UNC13C: variants seen among roughly 807,000 people sequenced by gnomAD.
UNC13C encodes protein unc-13 homolog C.
A neutral mutation model predicts 245.4 loss-of-function variants in UNC13C; 174 were observed. The observed-to-expected ratio is 0.71, with a 90% CI of 0.63 to 0.80. The LOEUF (loss-of-function observed/expected upper bound fraction) is 0.80. Among genes scored for constraint, UNC13C ranks in the 30% least tolerant of loss-of-function variants. The probability of loss-of-function intolerance (pLI) is 0.00; values close to 1 mark genes in which losing one functional copy is unlikely to be tolerated. For synonymous variants in UNC13C, 992 were observed against 895.1 expected (o/e 1.11, Z -1.93); for missense variants, 2,829 against 2,602.9 (o/e 1.09, Z -1.89).
chr15:54,458,037 C>A (rs1268646349), intron 19 of UNC13C, among the ~76,000 whole-genome samples: 2 of 151,560 alleles, frequency 1.3e-5, no homozygotes, highest in African/African-American at 4.8e-5. Flanking sequence ...TATTAACGTT[C>A]CTTTAAGCAC....
At chr15:53,972,170 A>G in the UNC13C span, among the ~76,000 whole-genome samples, 4 of 152,234 alleles carry the variant, frequency 2.6e-5, no homozygotes, top group African/African-American at 7.2e-5. Context: ...AAAGACCTGG[A>G]CAGTGAAGGG....
the UNC13C span, among the ~76,000 whole-genome samples, chr15:53,920,696 C>T: frequency 6.6e-6 from 1 of 151,894 alleles, no homozygotes; most frequent in African/African-American, 2.4e-5. Context: ...AGCATAGCAA[C>T]TGAGAGTGGA....
intron 10 of UNC13C, among the ~76,000 whole-genome samples, chr15:54,275,555 T>C (rs1277521814): frequency 1.3e-5 from 2 of 152,174 alleles, no homozygotes; most frequent in African/African-American, 4.8e-5. Context: ...ATTATGTATA[T>C]ATCTTTAAGT....
At chr15:53,900,437 C>G in the UNC13C span, among the ~76,000 whole-genome samples, 1 of 152,126 alleles carries the variant, frequency 6.6e-6, no homozygotes, top group African/African-American at 2.4e-5. Flanking sequence ...TTTCTTTTAG[C>G]TTTACTAGCC....
At chr15:54,036,378 A>G (rs1468221544) in intron 2 of UNC13C, among the ~76,000 whole-genome samples, 1 of 152,180 alleles carries the variant, frequency 6.6e-6, no homozygotes, top group Non-Finnish European at 1.5e-5. Flanking sequence ...AGAAATCCTG[A>G]TGTTGTTCAA....
intron 19 of UNC13C, among the ~76,000 whole-genome samples, chr15:54,486,115 A>C (rs2141072523): frequency 6.6e-6 from 1 of 152,182 alleles, no homozygotes; most frequent in East Asian, 1.9e-4. Context: ...CTGTATAGAA[A>C]ATAGTACCCA....
chr15:54,133,531 G>A (rs2141219127), intron 2 of UNC13C, among the ~76,000 whole-genome samples: 1 of 152,258 alleles, frequency 6.6e-6, no homozygotes, highest in South Asian at 2.1e-4. Context: ...CTATAAAGTA[G>A]ATGGATGTAC....
the UNC13C span, among the ~76,000 whole-genome samples, chr15:53,901,314 G>A: frequency 6.6e-6 from 1 of 151,220 alleles, no homozygotes; most frequent in Non-Finnish European, 1.5e-5. Flanking sequence ...CCACCTCCCG[G>A]GTTCATGCCA....
chr15:54,058,430 A>C (rs532619160), intron 2 of UNC13C, among the ~76,000 whole-genome samples: 12 of 152,330 alleles, frequency 7.9e-5, no homozygotes, highest in African/African-American at 2.6e-4. Context: ...TGAATTTCTG[A>C]ATAGACCAAA....
chr15:54,154,582 T>C (rs1487138855), intron 4 of UNC13C, among the ~76,000 whole-genome samples: 1 of 152,184 alleles, frequency 6.6e-6, no homozygotes, highest in Non-Finnish European at 1.5e-5. Flanking sequence ...AATAAAATGT[T>C]ATTTCTCATC....
intron 19 of UNC13C, chr15:54,417,156 T>G: frequency 2.8e-6 from 1 of 353,352 alleles, no homozygotes; most frequent in South Asian, 2.1e-5. Flanking sequence ...GTCTATGACT[T>G]TTACCAACAT....
At chr15:54,458,305 A>T (rs1176918931) in intron 19 of UNC13C, among the ~76,000 whole-genome samples, 1 of 152,096 alleles carries the variant, frequency 6.6e-6, no homozygotes, top group Non-Finnish European at 1.5e-5. Flanking sequence ...GTGGCCTATC[A>T]TATGGTCCGT....
At chr15:53,840,214 A>G in the UNC13C span, among the ~76,000 whole-genome samples, 7 of 152,184 alleles carry the variant, frequency 4.6e-5, no homozygotes, top group Admixed American at 2.6e-4. Context: ...ACTAATAGGA[A>G]GAAGAATCCA....
chr15:54,295,048 T>C (rs1178307571), intron 11 of UNC13C, among the ~76,000 whole-genome samples: 4 of 152,176 alleles, frequency 2.6e-5, no homozygotes, highest in African/African-American at 9.7e-5. Context: ...TAAAACTATC[T>C]TAAGAAATCT....
At chr15:54,586,488 C>T (rs961052889) in intron 30 of UNC13C, among the ~76,000 whole-genome samples, 2 of 152,146 alleles carry the variant, frequency 1.3e-5, no homozygotes, top group Non-Finnish European at 2.9e-5. Context: ...TCTCTTCCTC[C>T]TCTTAAAAGG....
the UNC13C span, among the ~76,000 whole-genome samples, chr15:53,841,705 A>G: frequency 2.0e-5 from 3 of 152,098 alleles, no homozygotes; most frequent in Non-Finnish European, 2.9e-5. Context: ...CTGTAGTTGT[A>G]TTTTTATTTT....
intron 2 of UNC13C, among the ~76,000 whole-genome samples, chr15:54,060,409 C>T (rs926356706): frequency 6.6e-6 from 1 of 152,062 alleles, no homozygotes; most frequent in African/African-American, 2.4e-5. Flanking sequence ...AAATCAAAAC[C>T]ACAATGAGAT....
At chr15:54,486,107 G>T (rs1407128974) in intron 19 of UNC13C, among the ~76,000 whole-genome samples, 2 of 151,992 alleles carry the variant, frequency 1.3e-5, no homozygotes, top group East Asian at 3.9e-4. Context: ...TGTATTTCCT[G>T]TATAGAAAAT....
intron 19 of UNC13C, among the ~76,000 whole-genome samples, chr15:54,455,297 C>CAAATT (rs1891455730): frequency 1.4e-5 from 2 of 141,472 alleles, no homozygotes; most frequent in South Asian, 4.6e-4. Context: ...TTTTTGCAAT[C>CAAATT]GCAAATTGTG....
Sources: gnomAD v4.1 joint callset for allele counts (sites outside exome capture counted in the v4.1 genomes callset) on GRCh38, gnomAD v4.1.1 for gene constraint, MANE v1.5 for transcripts, NCBI Gene and HGNC (gene_info 2026-07-23, HGNC 2026-07-21) for gene names.